SVOPL: variants seen among roughly 807,000 people sequenced by gnomAD.
SVOPL encodes SVOP like.
A neutral mutation model predicts 61.0 loss-of-function variants in SVOPL; 60 were observed. That is an observed-to-expected ratio of 0.98 (90% CI 0.80 to 1.22). The LOEUF is 1.22. Among genes scored for constraint, SVOPL ranks in the 50% most tolerant of loss-of-function variants. The pLI, the probability that SVOPL is intolerant of heterozygous loss-of-function variation, is 0.00. For missense variants in SVOPL, 662 were observed against 643.9 expected, an observed-to-expected ratio of 1.03 and a Z score of -0.30; for synonymous variants, 279 against 250.0, an observed-to-expected ratio of 1.12 and a Z score of -1.09.
chr7:138,612,424 T>TAAAAAAAAAAAAAAAAAAA (rs1281500368), intron 14 of SVOPL, among the ~76,000 whole-genome samples: 16 of 41,248 alleles, frequency 3.9e-4, no homozygotes, highest in South Asian at 8.3e-4. Context: ...AAAAAAAAAA[T>TAAAAAAAAAAAAAAAAAAA]AAAATAAAAA....
intron 14 of SVOPL, chr7:138,597,099 C>A: frequency 3.2e-6 from 4 of 1,255,504 alleles, no homozygotes; most frequent in Non-Finnish European, 4.1e-6. Flanking sequence ...CATCTGTACA[C>A]ATGCTTTGGC....
intron 4 of SVOPL, among the ~76,000 whole-genome samples, chr7:138,664,576 G>A (rs113915366): frequency 8.9e-4 from 128 of 144,558 alleles, no homozygotes; most frequent in African/African-American, 2.9e-3. Context: ...ACCCTCCAGC[G>A]CCTTTAATCC....
intron 5 of SVOPL, chr7:138,662,756 C>A: frequency 8.7e-7 from 1 of 1,145,076 alleles, no homozygotes; most frequent in Non-Finnish European, 1.1e-6. Context: ...TAAGTCCCAA[C>A]CTTTAAAAGT....
chr7:138,654,389 CAATAA>C lies in SVOPL; in HGVS notation c.534+2054_534+2058del, dbSNP rs139004427. On this transcript the variant is annotated intron_variant, in intron 7 of 15. Coordinates refer to ENST00000674285, the MANE Select transcript of SVOPL (RefSeq NM_001139456.2). ...ACCCAAAATATGTAAATCTATGTAT[CAATAA>C]AATAAATTGTTTAAATGATGCTAAT... 1.8e-3 allele frequency among the ~76,000 whole-genome samples: 272 copies of C among 151,590 alleles called. 1 individual carries two copies. Among genetic ancestry groups the C allele is most frequent in the African/African-American group, 6.4e-3 (264 of 41,356 alleles).
chr7:138,697,556 C>T (rs1444053806), intron 1 of SVOPL, among the ~76,000 whole-genome samples: 6 of 142,142 alleles, frequency 4.2e-5, no homozygotes, highest in African/African-American at 1.1e-4. Context: ...TCCAGTGAAC[C>T]GTGATCATGC....
At chr7:138,689,348 T>A in intron 1 of SVOPL, 1 of 1,591,014 alleles carries the variant, frequency 6.3e-7, no homozygotes, top group Non-Finnish European at 8.5e-7. Context: ...ACAAAGCACC[T>A]AAGATGCGCC....
intron 4 of SVOPL, among the ~76,000 whole-genome samples, chr7:138,665,134 G>C (rs545163029): frequency 1.5e-5 from 1 of 66,628 alleles, no homozygotes; most frequent in Non-Finnish European, 2.8e-5. Context: ...CCTCCCTAGG[G>C]TCAGCTCTTT....
chr7:138,649,188 GA>G (rs58569190), intron 7 of SVOPL, 51 bp from the exon 8 acceptor site: 924,243 of 1,274,290 alleles, frequency 0.73, 316,382 homozygotes, highest in Non-Finnish European at 0.74. Flanking sequence ...TTATGACAAT[GA>G]AAAAAAAAAA....
chr7:138,685,258 A>C (rs540194730), intron 1 of SVOPL, among the ~76,000 whole-genome samples: 95 of 152,186 alleles, frequency 6.2e-4, no homozygotes, highest in Non-Finnish European at 1.3e-3. Flanking sequence ...CATCTTTAAA[A>C]AAGAGGGAAA....
At chr7:138,630,808 T>C (rs1800144078) in intron 9 of SVOPL, among the ~76,000 whole-genome samples, 2 of 151,960 alleles carry the variant, frequency 1.3e-5, no homozygotes, top group Admixed American at 6.6e-5. Context: ...CCGGACATGG[T>C]GGAGCATGCC....
intron 14 of SVOPL, among the ~76,000 whole-genome samples, chr7:138,612,436 T>TAAAAAAAAAA (rs60800575): frequency 2.2e-4 from 4 of 17,852 alleles, no homozygotes; most frequent in Admixed American, 5.0e-4. Flanking sequence ...AAATAAAAAA[T>TAAAAAAAAAA]AAAAAAAAAA....
At chr7:138,637,463 T>TAGATATAGATATAG (rs1435621140) in intron 9 of SVOPL, among the ~76,000 whole-genome samples, 10 of 19,112 alleles carry the variant, frequency 5.2e-4, no homozygotes, top group African/African-American at 1.4e-3. Flanking sequence ...TAGATATATA[T>TAGATATAGATATAG]ATATAGATAT....
chr7:138,679,276 AATTG>A (rs1160144745), intron 1 of SVOPL, among the ~76,000 whole-genome samples, 197 bp from the exon 2 acceptor site: 2 of 151,658 alleles, frequency 1.3e-5, no homozygotes, highest in Non-Finnish European at 2.9e-5. Context: ...ACTTTTTATT[AATTG>A]ATTGATTGAG....
At chr7:138,634,089 G>A (rs1213178965) in intron 9 of SVOPL, among the ~76,000 whole-genome samples, 1 of 152,212 alleles carries the variant, frequency 6.6e-6, no homozygotes, top group African/African-American at 2.4e-5. Flanking sequence ...TTGTGTACTA[G>A]CAGCTTTTCT....
intron 13 of SVOPL, among the ~76,000 whole-genome samples, chr7:138,622,504 T>C (rs1799719228): frequency 6.6e-6 from 1 of 151,594 alleles, no homozygotes; most frequent in African/African-American, 2.4e-5. Flanking sequence ...GGGGGGTCTC[T>C]CCAAGTTGGC....
At chr7:138,639,940 A>G (rs1331725634) in intron 9 of SVOPL, among the ~76,000 whole-genome samples, 1 of 151,770 alleles carries the variant, frequency 6.6e-6, no homozygotes, top group African/African-American at 2.4e-5. Flanking sequence ...GGGGAGCGGT[A>G]AAAAGGGGTC....
chr7:138,637,463 T>TATATAG (rs1554463005), intron 9 of SVOPL, among the ~76,000 whole-genome samples: 23 of 19,100 alleles, frequency 1.2e-3, no homozygotes, highest in Admixed American at 9.7e-3. Context: ...TAGATATATA[T>TATATAG]ATATAGATAT....
At chr7:138,612,405 T>TAAAAAAAAAAA (rs1158818070) in intron 14 of SVOPL, among the ~76,000 whole-genome samples, 5 of 9,304 alleles carry the variant, frequency 5.4e-4, no homozygotes, top group Non-Finnish European at 6.0e-4. Flanking sequence ...AAAAATAAAT[T>TAAAAAAAAAAA]AAAAAAAAAA....
chr7:138,699,560 C>G (rs374693292), intron 1 of SVOPL, among the ~76,000 whole-genome samples: 1 of 152,074 alleles, frequency 6.6e-6, no homozygotes, highest in Non-Finnish European at 1.5e-5. Context: ...AAAATAAGAC[C>G]TCAAAACCTC....
Sources: gnomAD v4.1 joint callset for allele counts (sites outside exome capture counted in the v4.1 genomes callset) on GRCh38, gnomAD v4.1.1 for gene constraint, MANE v1.5 for transcripts, NCBI Gene and HGNC (gene_info 2026-07-23, HGNC 2026-07-21) for gene names.